Variants in ST3GAL6 observed in about 807,000 individuals in gnomAD.
ST3GAL6 encodes the protein type 2 lactosamine alpha-2,3-sialyltransferase.
In ST3GAL6, 31 loss-of-function variants were observed where a neutral mutation model predicts 40.5. The ratio of observed to expected loss-of-function variants is 0.77; its 90% CI spans 0.58 to 1.03. ST3GAL6 has a LOEUF of 1.03. Among genes scored for constraint, ST3GAL6 ranks in the 50% least tolerant of loss-of-function variants. The pLI is 0.00. For synonymous variants in ST3GAL6, 129 were observed against 136.9 expected (o/e 0.94, Z 0.40); for missense variants, 357 against 393.2 (o/e 0.91, Z 0.78).
chr3:98,739,676 T>C (rs993636979), intron 1 of ST3GAL6, among the ~76,000 whole-genome samples: 1 of 152,208 alleles, frequency 6.6e-6, no homozygotes, highest in Non-Finnish European at 1.5e-5. Context: ...GAAGCAGATA[T>C]AGGGAATGTG....
chr3:98,788,522 G>C, intron 8 of ST3GAL6, 59 bp downstream of exon 8: 1 of 1,484,646 alleles, frequency 6.7e-7, no homozygotes, highest in Non-Finnish European at 9.0e-7. Flanking sequence ...AGGATAGAGG[G>C]TCCTGGGAAC....
In ST3GAL6 at chr3:98,783,029, CCAT is replaced by C. The variant is rs1376854400; in HGVS notation, c.336-1911_336-1909del. 10 of 287,824 alleles carry C rather than the reference CCAT, an allele frequency of 3.5e-5. 1 individual carries two copies. In the East Asian group the frequency reaches 5.3e-4, roughly 15 times the overall value. 17.8% of individuals were successfully genotyped at this position (287,824 alleles called of 1,614,324 possible). Reference sequence around the variant, plus strand: ...AGGCATGTTTGTAAAGCTGCGGGGACCATCATCCCCTCCCTGAATGTTACGTGT... The same window carrying C: ...AGGCATGTTTGTAAAGCTGCGGGGACCATCCCCTCCCTGAATGTTACGTGT... On this transcript the variant is annotated intron_variant, in intron 5 of 9. Transcript: ENST00000483910.
intron 1 of ST3GAL6, chr3:98,733,215 G>T: frequency 1.0e-6 from 1 of 953,114 alleles, no homozygotes; most frequent in Non-Finnish European, 1.2e-6. Context: ...TGGGCGCTGG[G>T]ACCCGCGAGC....
At chr3:98,749,962 G>A (rs1411818241) in intron 1 of ST3GAL6, among the ~76,000 whole-genome samples, 1 of 152,184 alleles carries the variant, frequency 6.6e-6, no homozygotes, top group African/African-American at 2.4e-5. Context: ...TGGTTGGGAG[G>A]TGAAATTCCA....
intron 1 of ST3GAL6, among the ~76,000 whole-genome samples, chr3:98,752,987 A>C (rs1021189290): frequency 2.0e-5 from 3 of 152,226 alleles, no homozygotes; most frequent in Non-Finnish European, 2.9e-5. Flanking sequence ...ATAGCCTCTA[A>C]GTATTCAAGT....
chr3:98,788,953 A>G (rs1940985079), intron 8 of ST3GAL6, among the ~76,000 whole-genome samples: 1 of 152,250 alleles, frequency 6.6e-6, no homozygotes, highest in African/African-American at 2.4e-5. Flanking sequence ...CTGTGGTCAG[A>G]GGAAATGTTG....
At chr3:98,765,041 T>C (rs937774145) in intron 1 of ST3GAL6, among the ~76,000 whole-genome samples, 1 of 152,210 alleles carries the variant, frequency 6.6e-6, no homozygotes, top group Non-Finnish European at 1.5e-5. Context: ...ATCAAATTGG[T>C]GGATGCTGTT....
At chr3:98,768,586 C>A in intron 2 of ST3GAL6, 57 bp downstream of exon 2, 1 of 1,307,080 alleles carries the variant, frequency 7.7e-7, no homozygotes, top group Non-Finnish European at 1.1e-6. Flanking sequence ...CACACAAATC[C>A]ACAAATTATA....
intron 5 of ST3GAL6, among the ~76,000 whole-genome samples, chr3:98,780,188 G>A (rs1015121585): frequency 6.6e-6 from 1 of 152,166 alleles, no homozygotes; most frequent in African/African-American, 2.4e-5. Context: ...GAGTAACGAG[G>A]AGTGCGATTC....
chr3:98,771,663 CT>C (rs1404704237), intron 3 of ST3GAL6, among the ~76,000 whole-genome samples: 1 of 152,070 alleles, frequency 6.6e-6, no homozygotes, highest in Non-Finnish European at 1.5e-5. Flanking sequence ...CTTGTTATTA[CT>C]GTTTTTTAAC....
At chr3:98,782,668 G>C (rs1049914125) in intron 5 of ST3GAL6, 3 of 444,612 alleles carry the variant, frequency 6.7e-6, no homozygotes, top group Non-Finnish European at 1.3e-5. Context: ...ACAATACTTT[G>C]AGATACCATA....
chr3:98,733,421 C>T, intron 1 of ST3GAL6: 1 of 1,007,934 alleles, frequency 9.9e-7, no homozygotes, highest in Non-Finnish European at 1.2e-6. Context: ...TGTCCAGCTC[C>T]TCGTTCACTA....
At chr3:98,738,039 C>G (rs964133234) in intron 1 of ST3GAL6, among the ~76,000 whole-genome samples, 1 of 151,958 alleles carries the variant, frequency 6.6e-6, no homozygotes, top group Admixed American at 6.6e-5. Context: ...TGCTGTTCTT[C>G]TGATACTGAG....
rs1347205651 is a variant in ST3GAL6 at position 98,783,732 on chromosome 3, T to C, written c.336-1213T>C. 5 of 981,336 alleles carry C rather than the reference T, an allele frequency of 5.1e-6. No homozygotes were observed. In the African/African-American group the frequency reaches 7.0e-5, roughly 14 times the overall value. The allele number at this position is 981,336 out of a possible 1,614,324, so 60.8% of individuals were successfully genotyped here. A position where few individuals can be genotyped will look rare whatever the true frequency, so the allele number is the denominator to read the frequency against. On this transcript the variant is annotated intron_variant, in intron 5 of 9. Coordinates refer to ENST00000483910, the MANE Select transcript of ST3GAL6 (RefSeq NM_001323368.2). ...CCGCCCCCAAGTCCTTACCAACCTG[T>C]GCCACTGGTACTTATTTTTCTTGAC...
chr3:98,741,050 C>CTGTGTGTGTG (rs748180004), intron 1 of ST3GAL6, among the ~76,000 whole-genome samples: 4 of 78,840 alleles, frequency 5.1e-5, no homozygotes, highest in Admixed American at 3.1e-4. Flanking sequence ...TAGAGGGATT[C>CTGTGTGTGTG]AGTGTGTGTG....
At chr3:98,784,768 A>C (rs140827794) in intron 5 of ST3GAL6, among the ~76,000 whole-genome samples, 177 bp from the exon 6 acceptor site, 1 of 152,300 alleles carries the variant, frequency 6.6e-6, no homozygotes, top group East Asian at 1.9e-4. Context: ...ATAGAATGTT[A>C]CTCATTGAAT....
At position 98,768,385 on chromosome 3, in the gene ST3GAL6, A is replaced by G. The variant is rs761303046; in HGVS notation, c.-11-45A>G. On this transcript the variant is annotated intron_variant, in intron 1 of 9. Coordinates refer to ENST00000483910, the MANE Select transcript of ST3GAL6 (RefSeq NM_001323368.2). Reference sequence around the variant, plus strand: ...TGAGCCATTGTGAAAATCCATTTGTATAACAACCTGGCCTTTGCTTTGGAC... The same window carrying G: ...TGAGCCATTGTGAAAATCCATTTGTGTAACAACCTGGCCTTTGCTTTGGAC... The G allele has an allele frequency of 3.6e-6, 5 of 1,386,326 alleles. No individual in the cohort carries two copies. The South Asian group carries it at 4.7e-5, about 13-fold the overall frequency. The allele number at this position is 1,386,326 out of a possible 1,614,324, so 85.9% of individuals were successfully genotyped here.
intron 5 of ST3GAL6, chr3:98,783,551 C>T: frequency 3.1e-6 from 3 of 981,536 alleles, no homozygotes; most frequent in East Asian, 1.1e-4. Context: ...TTCATTTTTG[C>T]TCCATCTATA....
intron 1 of ST3GAL6, among the ~76,000 whole-genome samples, chr3:98,755,742 C>T (rs997976532): frequency 5.3e-5 from 8 of 151,396 alleles, no homozygotes; most frequent in African/African-American, 1.9e-4. Context: ...TTTGTGTGTG[C>T]GTGTCTGTGT....
Sources: gnomAD v4.1 joint callset for allele counts (sites outside exome capture counted in the v4.1 genomes callset) on GRCh38, gnomAD v4.1.1 for gene constraint, MANE v1.5 for transcripts, NCBI Gene and HGNC (gene_info 2026-07-23, HGNC 2026-07-21) for gene names.